The following RPS6KA3 variants were observed in gnomAD, a reference collection of about 807,000 sequenced individuals.
RPS6KA3 encodes the protein ribosomal protein S6 kinase alpha-3.
In RPS6KA3, 4 loss-of-function variants were observed where a neutral mutation model predicts 67.2. The observed-to-expected ratio is 0.06, with a 90% CI of 0.03 to 0.14. The LOEUF (loss-of-function observed/expected upper bound fraction) is 0.14. Ranked by LOEUF, RPS6KA3 falls within the 10% of genes least tolerant of loss-of-function variation. RPS6KA3 has a pLI of 1.00. For missense variants in RPS6KA3, 204 were observed against 559.0 expected, an observed-to-expected ratio of 0.36 and a Z score of 6.40; for synonymous variants, 182 against 183.7, an observed-to-expected ratio of 0.99 and a Z score of 0.07.
At chrX:20,226,703 C>T (rs561510255) in intron 2 of RPS6KA3, among the ~76,000 whole-genome samples, 31 of 111,986 alleles carry the variant, frequency 2.8e-4, no homozygotes, top group Admixed American at 2.6e-3. Flanking sequence ...CATTTCAAGG[C>T]TTGTAATGAG....
intron 1 of RPS6KA3, chrX:20,265,977 G>A (rs776790866): frequency 1.8e-4 from 20 of 111,223 alleles, no homozygotes; most frequent in African/African-American, 6.6e-4. Context: ...GGGGACCTTA[G>A]GCTTCCGCTT....
chrX:20,205,079 T>C (rs1196940427), intron 3 of RPS6KA3, among the ~76,000 whole-genome samples: 1 of 112,272 alleles, frequency 8.9e-6, no homozygotes, highest in Non-Finnish European at 1.9e-5. Flanking sequence ...CTCAGGTATG[T>C]TATTGGGCAT....
At chrX:20,231,628 T>C (rs2069266316) in intron 2 of RPS6KA3, among the ~76,000 whole-genome samples, 1 of 111,932 alleles carries the variant, frequency 8.9e-6, no homozygotes, top group Admixed American at 9.5e-5. Flanking sequence ...TCCAAAAAGG[T>C]ATGTTCAAGT....
chrX:20,155,255 G>A lies in RPS6KA3; in HGVS notation c.*143C>T. 1 of 659,879 alleles carries A rather than the reference G, an allele frequency of 1.5e-6. No individual in the cohort carries two copies. Among genetic ancestry groups the A allele is most frequent in the South Asian group, 2.3e-5 (1 of 43,606 alleles). The allele number at this position is 659,879 out of a possible 1,213,427, so 54.4% of individuals were successfully genotyped here. A position where few individuals can be genotyped will look rare whatever the true frequency, so the allele number is the denominator to read the frequency against. On this transcript the variant is annotated 3_prime_UTR_variant, in exon 22 of 22. Coordinates refer to ENST00000379565, the MANE Select transcript of RPS6KA3 (RefSeq NM_004586.3). Reference sequence around the variant, plus strand: ...TTTAAAGCGAGAAGAGAGGAAAGCAGGAGCAGCAGCAGGAACAGCAGCATT... The same window carrying A: ...TTTAAAGCGAGAAGAGAGGAAAGCAAGAGCAGCAGCAGGAACAGCAGCATT...
chrX:20,214,804 TCTC>T (rs1332173516), intron 2 of RPS6KA3, among the ~76,000 whole-genome samples: 4 of 110,238 alleles, frequency 3.6e-5, no homozygotes, highest in Non-Finnish European at 7.6e-5. Flanking sequence ...GTCATTTTTT[TCTC>T]CTATTTTCTG....
chrX:20,242,517 AT>A (rs781552007), intron 1 of RPS6KA3, among the ~76,000 whole-genome samples: 28 of 111,755 alleles, frequency 2.5e-4, no homozygotes, highest in African/African-American at 8.8e-4. Context: ...TCAAACCCAG[AT>A]CTTTTTAGCT....
chrX:20,207,900 CT>C lies in RPS6KA3; in HGVS notation c.243+1387del, dbSNP rs1489253589. Among the ~76,000 whole-genome samples the C allele has an allele frequency of 7.1e-5, 8 of 112,085 alleles. No individual in the cohort carries two copies. In the East Asian group the frequency reaches 2.2e-3, roughly 31 times the overall value. The stretch of plus-strand genomic sequence containing the variant: ...GAGCTAAACTGGTGCTGTTCTGAAA[CT>C]TGCAAAGCATGATATATTCAAATAT... On this transcript the variant is annotated intron_variant, in intron 3 of 21. Coordinates refer to ENST00000379565, the MANE Select transcript of RPS6KA3 (RefSeq NM_004586.3).
rs778713587 is a variant in RPS6KA3, at chrX:20,240,285, CTTTTTTTTTT to C, written c.70-5481_70-5472del. Among the ~76,000 whole-genome samples, 440 of 54,365 alleles carry C rather than the reference CTTTTTTTTTT, an allele frequency of 8.1e-3. 18 individuals are homozygous for C. The highest frequency in any genetic ancestry group is 0.078 in the Admixed American group (351 of 4,498). 47.2% of individuals were successfully genotyped at this position (54,365 alleles called of 115,157 possible). ...GCTGTAGGAATGAACAAGGACCATA[CTTTTTTTTTT>C]TTTTTTTTTTTTTTTTTTACCACCC... On this transcript the variant is annotated intron_variant, in intron 1 of 21. Coordinates refer to ENST00000379565, the MANE Select transcript of RPS6KA3 (RefSeq NM_004586.3).
intron 1 of RPS6KA3, among the ~76,000 whole-genome samples, chrX:20,258,256 A>T (rs1490721130): frequency 8.9e-6 from 1 of 112,099 alleles, no homozygotes; most frequent in Non-Finnish European, 1.9e-5. Context: ...TATAGATAGC[A>T]GCTACTGTAC....
intron 7 of RPS6KA3, among the ~76,000 whole-genome samples, chrX:20,193,198 A>G (rs773988718): frequency 9.9e-5 from 11 of 111,496 alleles, no homozygotes; most frequent in African/African-American, 3.3e-4. Context: ...GAATTGCTTG[A>G]ATCTGGGAGG....
chrX:20,243,579 G>C (rs771120964), intron 1 of RPS6KA3, among the ~76,000 whole-genome samples: 4 of 111,117 alleles, frequency 3.6e-5, no homozygotes, highest in Non-Finnish European at 7.6e-5. Flanking sequence ...TCTGCCTCCC[G>C]GGTTCAAGGG....
chrX:20,182,453 C>G (rs1238807443), intron 10 of RPS6KA3, among the ~76,000 whole-genome samples: 1 of 111,612 alleles, frequency 9.0e-6, no homozygotes, highest in African/African-American at 3.3e-5. Context: ...GAATGGCTCT[C>G]AAGAATTGTT....
chrX:20,161,552 T>C, intron 20 of RPS6KA3, 92 bp downstream of exon 20: 1 of 377,030 alleles, frequency 2.7e-6, no homozygotes, highest in Non-Finnish European at 4.8e-6. Flanking sequence ...TACTAATTTA[T>C]AAACAAAGGT....
chrX:20,154,390 T>C lies in RPS6KA3; in HGVS notation c.*1008A>G, dbSNP rs1219364835. On this transcript the variant is annotated 3_prime_UTR_variant, in exon 22 of 22. Transcript: ENST00000379565. The stretch of plus-strand genomic sequence containing the variant: ...ATCTATTTAAACATGAAATATCCAA[T>C]AGGACTTCAATTACCTGTTGCTAAA... 3.6e-5 allele frequency: 4 copies of C among 112,449 alleles called. No homozygotes were observed. The highest frequency in any genetic ancestry group is 1.3e-4 in the African/African-American group (4 of 30,964). The allele number at this position is 112,449 out of a possible 1,213,427, so 9.3% of individuals were successfully genotyped here. A position where few individuals can be genotyped will look rare whatever the true frequency, so the allele number is the denominator to read the frequency against.
intron 20 of RPS6KA3, among the ~76,000 whole-genome samples, chrX:20,157,629 G>A (rs1230861178): frequency 1.8e-5 from 2 of 111,373 alleles, no homozygotes; most frequent in Admixed American, 9.6e-5. Context: ...AACACCAGGT[G>A]CAGCTGGAGG....
rs111529915 is a variant in RPS6KA3, at chrX:20,259,966, C to T, written c.69+6598G>A. 3.8e-3 allele frequency among the ~76,000 whole-genome samples: 417 copies of T among 111,005 alleles called. 4 individuals are homozygous for T. Among genetic ancestry groups the T allele is most frequent in the African/African-American group, 0.013 (399 of 30,544 alleles). On this transcript the variant is annotated intron_variant, in intron 1 of 21. Coordinates refer to ENST00000379565, the MANE Select transcript of RPS6KA3 (RefSeq NM_004586.3). ...CTATTTAGAGTTCTGTAAGAACCAACACCACATTACAGACAAAATCTAAAG... is the reference window on the plus strand; with the variant it reads ...CTATTTAGAGTTCTGTAAGAACCAATACCACATTACAGACAAAATCTAAAG...
chrX:20,234,731 C>T (rs745738683), intron 2 of RPS6KA3, 27 bp downstream of exon 2: 81 of 989,981 alleles, frequency 8.2e-5, no homozygotes, highest in Non-Finnish European at 1.1e-4. Context: ...TTTATCTATA[C>T]CCTTTGTGAT....
chrX:20,193,186 G>A (rs983430304), intron 7 of RPS6KA3, among the ~76,000 whole-genome samples: 11 of 111,467 alleles, frequency 9.9e-5, no homozygotes, highest in African/African-American at 3.6e-4. Flanking sequence ...GCTAAGGCAG[G>A]AGAATTGCTT....
chrX:20,262,868 A>G (rs1290007785), intron 1 of RPS6KA3, among the ~76,000 whole-genome samples: 1 of 112,046 alleles, frequency 8.9e-6, no homozygotes, highest in Non-Finnish European at 1.9e-5. Context: ...TTGATATAGT[A>G]GAAATACTAT....
Sources: allele counts gnomAD v4.1 joint callset (sites outside exome capture counted in the v4.1 genomes callset), GRCh38; gene constraint gnomAD v4.1.1; transcripts MANE v1.5; gene names NCBI Gene and HGNC (gene_info 2026-07-23, HGNC 2026-07-21).